The following LAMA2 variants were observed in gnomAD, a reference collection of about 807,000 sequenced individuals.
The protein encoded by LAMA2 is laminin subunit alpha-2.
LAMA2 carries 269 observed loss-of-function variants against 364.8 expected under a neutral mutation model. That is an observed-to-expected ratio of 0.74 (90% confidence interval 0.67 to 0.82). The LOEUF is 0.82. Among genes scored for constraint, LAMA2 ranks in the 40% least tolerant of loss-of-function variants. The probability of loss-of-function intolerance (pLI) is 0.00; values close to 1 mark genes in which losing one functional copy is unlikely to be tolerated. For synonymous variants in LAMA2, 1,379 were observed against 1,370.6 expected (o/e 1.01, Z -0.14); for missense variants, 3,807 against 3,873.2 (o/e 0.98, Z 0.45).
intron 12 of LAMA2, among the ~76,000 whole-genome samples, chr6:129,238,877 T>C (rs1785201691): frequency 1.3e-5 from 2 of 152,112 alleles, no homozygotes; most frequent in Admixed American, 1.3e-4. Flanking sequence ...TTGGGTCTCC[T>C]TATTTTTTGA....
intron 20 of LAMA2, chr6:129,292,958 A>G (rs1789819289): frequency 2.0e-6 from 2 of 985,926 alleles, no homozygotes; most frequent in Middle Eastern, 5.2e-4. Flanking sequence ...AGGTGCACCA[A>G]CAGGAGGAGC....
At chr6:129,216,254 A>G (rs935830313) in intron 12 of LAMA2, among the ~76,000 whole-genome samples, 1 of 152,168 alleles carries the variant, frequency 6.6e-6, no homozygotes, top group Non-Finnish European at 1.5e-5. Flanking sequence ...TTTTGTTTTT[A>G]TGTCAGTTTG....
chr6:129,398,775 A>G (rs533937899), intron 37 of LAMA2, among the ~76,000 whole-genome samples: 129 of 152,084 alleles, frequency 8.5e-4, no homozygotes, highest in Non-Finnish European at 1.6e-3. Context: ...TGCCTGACCC[A>G]TTTTTATTTA....
At chr6:128,928,891 G>A in intron 1 of LAMA2, 1 of 690,760 alleles carries the variant, frequency 1.4e-6, no homozygotes, top group Non-Finnish European at 2.6e-6. Flanking sequence ...GTGTTTGATG[G>A]CCAGGACCTC....
intron 1 of LAMA2, among the ~76,000 whole-genome samples, chr6:128,910,176 G>A (rs1477829995): frequency 1.1e-4 from 17 of 152,194 alleles, no homozygotes; most frequent in Middle Eastern, 3.4e-3. Flanking sequence ...GAATCTGAAC[G>A]TTGGCCTGCC....
intron 34 of LAMA2, among the ~76,000 whole-genome samples, chr6:129,370,667 A>G (rs1423660253): frequency 6.6e-6 from 1 of 152,254 alleles, no homozygotes. Context: ...TTGATTATCT[A>G]AGAGCTTTAA....
At chr6:129,218,814 TTTGCAGATGC>T (rs1243704573) in intron 12 of LAMA2, among the ~76,000 whole-genome samples, 1 of 152,172 alleles carries the variant, frequency 6.6e-6, no homozygotes, top group Non-Finnish European at 1.5e-5. Context: ...AATGTTTTCA[TTTGCAGATGC>T]TTAAATTTAG....
intron 40 of LAMA2, among the ~76,000 whole-genome samples, chr6:129,414,151 A>G (rs1327410757): frequency 6.6e-6 from 1 of 152,134 alleles, no homozygotes; most frequent in Non-Finnish European, 1.5e-5. Context: ...CAGTAAGTTT[A>G]GAGCAAAATT....
At chr6:129,450,389 A>G (rs969958289) in intron 45 of LAMA2, among the ~76,000 whole-genome samples, 1 of 151,902 alleles carries the variant, frequency 6.6e-6, no homozygotes, top group African/African-American at 2.4e-5. Flanking sequence ...GCACGATCTC[A>G]GCTCACTGCA....
At chr6:129,115,168 C>T (rs1776398100) in intron 4 of LAMA2, among the ~76,000 whole-genome samples, 1 of 152,052 alleles carries the variant, frequency 6.6e-6, no homozygotes, top group Non-Finnish European at 1.5e-5. Flanking sequence ...GAAAACCATG[C>T]ATTAATTACT....
chr6:129,116,045 G>A (rs945877253), intron 4 of LAMA2, among the ~76,000 whole-genome samples: 1 of 152,122 alleles, frequency 6.6e-6, no homozygotes, highest in Non-Finnish European at 1.5e-5. Context: ...AGCTGTGACT[G>A]AATCTTATTC....
chr6:128,973,714 A>G (rs1782343615), intron 1 of LAMA2, among the ~76,000 whole-genome samples: 1 of 152,164 alleles, frequency 6.6e-6, no homozygotes, highest in African/African-American at 2.4e-5. Flanking sequence ...GAGGATGGAT[A>G]TAAACTGTTT....
At chr6:128,967,204 G>T (rs1169302545) in intron 1 of LAMA2, among the ~76,000 whole-genome samples, 1 of 152,126 alleles carries the variant, frequency 6.6e-6, no homozygotes, top group African/African-American at 2.4e-5. Context: ...AGCAGGGTTT[G>T]TTCAACTGCT....
At chr6:128,900,940 C>T (rs1179934275) in intron 1 of LAMA2, among the ~76,000 whole-genome samples, 2 of 152,152 alleles carry the variant, frequency 1.3e-5, no homozygotes, top group Non-Finnish European at 2.9e-5. Context: ...TGGCTTGAGG[C>T]CAGGAGTTCA....
chr6:129,041,614 T>C (rs1276319392), intron 1 of LAMA2, among the ~76,000 whole-genome samples: 1 of 152,262 alleles, frequency 6.6e-6, no homozygotes, highest in Non-Finnish European at 1.5e-5. Flanking sequence ...CATATTTCTA[T>C]AGATTTTTTT....
At chr6:129,381,658 A>G (rs1308138582) in intron 34 of LAMA2, among the ~76,000 whole-genome samples, 1 of 152,218 alleles carries the variant, frequency 6.6e-6, no homozygotes, top group African/African-American at 2.4e-5. Context: ...CTGGATGCAC[A>G]GTTTATCCCA....
intron 3 of LAMA2, among the ~76,000 whole-genome samples, chr6:129,062,838 T>G (rs184475815): frequency 1.3e-5 from 2 of 152,214 alleles, no homozygotes; most frequent in African/African-American, 4.8e-5. Context: ...TGTGACACAT[T>G]TTCATAAATT....
At chr6:129,089,036 G>C (rs1774628528) in intron 3 of LAMA2, among the ~76,000 whole-genome samples, 1 of 152,232 alleles carries the variant, frequency 6.6e-6, no homozygotes, top group Non-Finnish European at 1.5e-5. Flanking sequence ...TGAGCACTGA[G>C]TGAACGAGAC....
At chr6:128,911,492 C>T (rs903589250) in intron 1 of LAMA2, among the ~76,000 whole-genome samples, 7 of 152,150 alleles carry the variant, frequency 4.6e-5, no homozygotes, top group African/African-American at 1.2e-4. Flanking sequence ...CACCCTGCTT[C>T]GGCTCACGCA....
Sources: gnomAD v4.1 joint callset for allele counts (sites outside exome capture counted in the v4.1 genomes callset) on GRCh38, gnomAD v4.1.1 for gene constraint, MANE v1.5 for transcripts, NCBI Gene and HGNC (gene_info 2026-07-23, HGNC 2026-07-21) for gene names.